The following ADAM11 variants were observed in gnomAD, a reference collection of about 807,000 sequenced individuals.
The protein encoded by ADAM11 is ADAM metallopeptidase domain 11.
ADAM11 carries 49 observed loss-of-function variants against 119.1 expected under a neutral mutation model. That is an observed-to-expected ratio of 0.41 (90% CI 0.33 to 0.52). The LOEUF (loss-of-function observed/expected upper bound fraction) is 0.52. ADAM11 is among the 20% of genes least tolerant of loss of function. The pLI, the probability that ADAM11 is intolerant of heterozygous loss-of-function variation, is 0.20. For missense variants in ADAM11, 777 were observed against 1,047.5 expected (o/e 0.74, Z 3.56); for synonymous variants, 364 against 408.0 (o/e 0.89, Z 1.30).
Position 44,772,142 on chromosome 17 carries a change from G to C in ADAM11, c.544-125G>C. ...CATCTGGGAGATCAGATCCGACATG[G>C]GAGCTGTGGCCAGTTCTGGGTCACC... On this transcript the variant is annotated intron_variant, in intron 6 of 26. Transcript: ENST00000200557. This position sits in a 1 kb window ranked among gnomAD's most constrained non-coding sequence, Gnocchi z 4.5. The C allele has an allele frequency of 1.1e-6, 1 of 936,592 alleles. No individual in the cohort carries two copies. The highest frequency in any genetic ancestry group is 1.6e-6 in the Non-Finnish European group (1 of 621,552). 58.0% of individuals were successfully genotyped at this position (936,592 alleles called of 1,614,324 possible). A position where few individuals can be genotyped will look rare whatever the true frequency, so the allele number is the denominator to read the frequency against.
Position 44,777,581 on chromosome 17 carries a change from G to A in ADAM11, c.1881G>A (p.Gln627=). The change falls in exon 22 of 27, where the codon CAG becomes CAA. Residue 627 remains glutamine, a synonymous_variant. Coordinates refer to ENST00000200557, the MANE Select transcript of ADAM11 (RefSeq NM_002390.6). The surrounding 1 kb of genome is among the most constrained non-coding windows in gnomAD (Gnocchi z 5.1). ...GDISSVTFYH[Q]GKELDCRGGH... ...TCAGTAGTGTCACCTTCTACCACCA[G>A]GGCAAGGAGCTGGACTGCAGGTGCT... The A allele has an allele frequency of 6.2e-7, 1 of 1,614,210 alleles. No individual in the cohort carries two copies. The highest frequency in any genetic ancestry group is 8.5e-7 in the Non-Finnish European group (1 of 1,180,040).
chr17:44,763,724 T>C (rs557490740), intron 2 of ADAM11, among the ~76,000 whole-genome samples: 2 of 151,362 alleles, frequency 1.3e-5, no homozygotes, highest in African/African-American at 2.4e-5. Flanking sequence ...TTTCTTTCTT[T>C]TTTTTTTTTT....
rs1357739538 is a variant in ADAM11, at chr17:44,775,579, C to T, written c.1393-5C>T. 1.3e-6 allele frequency: 2 copies of T among 1,569,626 alleles called. No individual in the cohort carries two copies. The highest frequency in any genetic ancestry group is 1.3e-5 in the African/African-American group (1 of 74,232). ...GCCTCCTTCCCCTCCTCCCGCGTCC[C>T]TCAGGAGTGCAGCCGCGCAGGTGGC... On this transcript the variant is annotated splice_polypyrimidine_tract_variant and splice_region_variant and intron_variant, in intron 16 of 26. Transcript: ENST00000200557. The surrounding 1 kb of genome is among the most constrained non-coding windows in gnomAD (Gnocchi z 7.5).
chr17:44,779,258 G>A lies in ADAM11; in HGVS notation c.2294+19G>A. On this transcript the variant is annotated intron_variant, in intron 26 of 26. Transcript: ENST00000200557. Reference sequence around the variant, plus strand: ...GAGGAAGGTACGACCCGACCCAGCAGGGGGCAGTGTGATGCCGGCCACGTC... The same window carrying A: ...GAGGAAGGTACGACCCGACCCAGCAAGGGGCAGTGTGATGCCGGCCACGTC... The A allele has an allele frequency of 6.3e-7, 1 of 1,574,928 alleles. No individual in the cohort carries two copies. The highest frequency in any genetic ancestry group is 1.2e-5 in the South Asian group (1 of 86,200).
intron 2 of ADAM11, among the ~76,000 whole-genome samples, chr17:44,760,412 C>T (rs2049375980): frequency 6.6e-6 from 1 of 152,194 alleles, no homozygotes; most frequent in African/African-American, 2.4e-5. Context: ...GAAGGTGGGG[C>T]CTTGGAAAAT....
rs748123040 is a variant in ADAM11, at chr17:44,765,610, C to CTTTTTTTTTTT, written c.238-4095_238-4085dup. ...AATCCTGGTTTTTCTTTTCTTTTCTCTTTTTTTTTTTTTTTTTTTTTTTGT... is the reference window on the plus strand; with the variant it reads ...AATCCTGGTTTTTCTTTTCTTTTCTCTTTTTTTTTTTTTTTTTTTTTTTTTTTTTTTTTTGT... On this transcript the variant is annotated intron_variant, in intron 2 of 26. Transcript: ENST00000200557. Among the ~76,000 whole-genome samples, 464 of 99,872 alleles carry CTTTTTTTTTTT rather than the reference C, an allele frequency of 4.6e-3. 4 individuals are homozygous for CTTTTTTTTTTT. Among genetic ancestry groups the CTTTTTTTTTTT allele is most frequent in the Non-Finnish European group, 5.8e-3 (319 of 55,058 alleles). The allele number at this position is 99,872 out of a possible 152,430, so 65.5% of individuals were successfully genotyped here. A position where few individuals can be genotyped will look rare whatever the true frequency, so the allele number is the denominator to read the frequency against.
chr17:44,773,557 C>T lies in ADAM11; in HGVS notation c.992+130C>T, dbSNP rs761921814. The T allele has an allele frequency of 6.1e-6, 7 of 1,140,508 alleles. No individual in the cohort carries two copies. The highest frequency in any genetic ancestry group is 8.5e-6 in the Non-Finnish European group (7 of 823,804). 70.6% of individuals were successfully genotyped at this position (1,140,508 alleles called of 1,614,324 possible). ...GACTGGGCTCACCTTGCACCTGCCA[C>T]CTACCCCCAGCCACATGCAACAGCT... On this transcript the variant is annotated intron_variant, in intron 11 of 26. Coordinates refer to ENST00000200557, the MANE Select transcript of ADAM11 (RefSeq NM_002390.6). This position sits in a 1 kb window ranked among gnomAD's most constrained non-coding sequence, Gnocchi z 4.6.
intron 1 of ADAM11, 199 bp from the exon 2 acceptor site, chr17:44,759,523 T>A: frequency 8.0e-7 from 1 of 1,243,368 alleles, no homozygotes; most frequent in Non-Finnish European, 1.0e-6. Flanking sequence ...GGGGCAGTCG[T>A]GACGGTTGGG....
In ADAM11 at chr17:44,772,085, G is replaced by T. The variant is rs2049530975; in HGVS notation, c.544-182G>T. ...AATGTCCTTTGCCCCTGTCTCTCAG[G>T]GTGCCCCCAGGTCTTGACCCCGGAA... On this transcript the variant is annotated intron_variant, in intron 6 of 26. Coordinates refer to ENST00000200557, the MANE Select transcript of ADAM11 (RefSeq NM_002390.6). This position sits in a 1 kb window ranked among gnomAD's most constrained non-coding sequence, Gnocchi z 4.5. 6.6e-6 allele frequency among the ~76,000 whole-genome samples: 1 copy of T among 152,036 alleles called. No individual in the cohort carries two copies. Among genetic ancestry groups the T allele is most frequent in the Non-Finnish European group, 1.5e-5 (1 of 67,992 alleles).
At chr17:44,778,385 A>G (rs2049637136) in intron 25 of ADAM11, 143 bp downstream of exon 25, 1 of 832,476 alleles carries the variant, frequency 1.2e-6, no homozygotes, top group South Asian at 1.9e-5. Context: ...TGCAGGGCTT[A>G]ACATTTAGAA....
rs566578960 is a variant in ADAM11, at chr17:44,778,646, G to A, written c.2276+404G>A. Among the ~76,000 whole-genome samples, 14 of 117,896 alleles carry A rather than the reference G, an allele frequency of 1.2e-4. No homozygotes were observed. The South Asian group carries it at 3.4e-3, about 29-fold the overall frequency. The allele number at this position is 117,896 out of a possible 152,430, so 77.3% of individuals were successfully genotyped here. ...GTGGAGGTTGCAGTGAGCTGAGATC[G>A]CACCATTGCACTCCAGCCTGGGTGA... On this transcript the variant is annotated intron_variant, in intron 25 of 26. Transcript: ENST00000200557.
chr17:44,780,530 G>A lies in ADAM11; in HGVS notation c.*776G>A, dbSNP rs2049678746. The stretch of plus-strand genomic sequence containing the variant: ...CGAAAACAACCGTCCTGCTGTCCCT[G>A]TCAGGACACATGGATTTTGGCAGGG... On this transcript the variant is annotated 3_prime_UTR_variant, in exon 27 of 27. Coordinates refer to ENST00000200557, the MANE Select transcript of ADAM11 (RefSeq NM_002390.6). 3 of 223,174 alleles carry A rather than the reference G, an allele frequency of 1.3e-5. No individual in the cohort carries two copies. In the South Asian group the frequency reaches 1.6e-4, roughly 12 times the overall value. The allele number at this position is 223,174 out of a possible 1,614,324, so 13.8% of individuals were successfully genotyped here. A position where few individuals can be genotyped will look rare whatever the true frequency, so the allele number is the denominator to read the frequency against.
chr17:44,761,067 A>T (rs1402806492), intron 2 of ADAM11, among the ~76,000 whole-genome samples: 1 of 151,894 alleles, frequency 6.6e-6, no homozygotes, highest in African/African-American at 2.4e-5. Flanking sequence ...GCAACTGCCC[A>T]GGCTCCCTGG....
chr17:44,759,920 G>T, intron 2 of ADAM11, 23 bp downstream of exon 2: 7 of 1,268,692 alleles, frequency 5.5e-6, no homozygotes, highest in East Asian at 3.0e-5. Context: ...GGGTGGTGAG[G>T]CCAGGGGCTG....
Position 44,759,199 on chromosome 17 carries a change from C to T in ADAM11, c.-1C>T. The T allele has an allele frequency of 2.8e-6, 4 of 1,418,492 alleles. No homozygotes were observed. In the South Asian group the frequency reaches 5.7e-5, roughly 20 times the overall value. 87.9% of individuals were successfully genotyped at this position (1,418,492 alleles called of 1,614,324 possible). A position where few individuals can be genotyped will look rare whatever the true frequency, so the allele number is the denominator to read the frequency against. On this transcript the variant is annotated 5_prime_UTR_variant, in exon 1 of 27. Coordinates refer to ENST00000200557, the MANE Select transcript of ADAM11 (RefSeq NM_002390.6). ...CCCGGACCGGGAGGAATGAGCGAGC[C>T]ATGAGGCTGCTGCGGCGCTGGGCGT...
rs779788976 is a variant in ADAM11, at chr17:44,772,382, C to T, written c.611-17C>T. Reference sequence around the variant, plus strand: ...GGAGGGGCCGGCTGTGCCCCCCTCACCTGCCCCTCCCCACAGGCTGCCTGT... The same window carrying T: ...GGAGGGGCCGGCTGTGCCCCCCTCATCTGCCCCTCCCCACAGGCTGCCTGT... On this transcript the variant is annotated splice_polypyrimidine_tract_variant and intron_variant, in intron 7 of 26. Coordinates refer to ENST00000200557, the MANE Select transcript of ADAM11 (RefSeq NM_002390.6). The surrounding 1 kb of genome is among the most constrained non-coding windows in gnomAD (Gnocchi z 4.5). The T allele has an allele frequency of 7.0e-6, 11 of 1,578,780 alleles. No individual in the cohort carries two copies. The highest frequency in any genetic ancestry group is 1.3e-5 in the African/African-American group (1 of 74,248).
chr17:44,769,920 G>T (rs749668533), intron 3 of ADAM11, 62 bp from the exon 4 acceptor site: 2 of 1,607,400 alleles, frequency 1.2e-6, no homozygotes, highest in Non-Finnish European at 8.5e-7. Context: ...GACCTGAGGC[G>T]AGCCTCAAGC....
Position 44,759,284 on chromosome 17 carries a change from G to A in ADAM11, c.61+24G>A, listed in dbSNP as rs762481952. 6 of 1,352,178 alleles carry A rather than the reference G, an allele frequency of 4.4e-6. No individual in the cohort carries two copies. In the African/African-American group the frequency reaches 4.6e-5, roughly 10 times the overall value. 83.8% of individuals were successfully genotyped at this position (1,352,178 alleles called of 1,614,324 possible). A position where few individuals can be genotyped will look rare whatever the true frequency, so the allele number is the denominator to read the frequency against. On this transcript the variant is annotated intron_variant, in intron 1 of 26. Coordinates refer to ENST00000200557, the MANE Select transcript of ADAM11 (RefSeq NM_002390.6). ...CGGTGAGTGACCCCCGCCCGGCCCCGGCGCCCCCTCCCTGCCCCCGCCCCG... is the reference window on the plus strand; with the variant it reads ...CGGTGAGTGACCCCCGCCCGGCCCCAGCGCCCCCTCCCTGCCCCCGCCCCG...
intron 2 of ADAM11, among the ~76,000 whole-genome samples, chr17:44,764,924 T>C (rs915134823): frequency 6.6e-6 from 1 of 151,956 alleles, no homozygotes; most frequent in Non-Finnish European, 1.5e-5. Context: ...TAGGGGTTAC[T>C]TGTCAGGCTC....
Sources: gnomAD v4.1 joint callset for allele counts (sites outside exome capture counted in the v4.1 genomes callset) on GRCh38, gnomAD v4.1.1 for gene constraint, Gnocchi (gnomAD v3.1) non-coding constraint, MANE v1.5 for transcripts, NCBI Gene and HGNC (gene_info 2026-07-23, HGNC 2026-07-21) for gene names.